The following MLLT3 variants were observed in gnomAD, a reference collection of about 807,000 sequenced individuals.
MLLT3 encodes the protein MLLT3 super elongation complex subunit.
Under a neutral mutation model 53.2 loss-of-function variants are expected in MLLT3, and 4 were observed. The observed-to-expected ratio is 0.08, with a 90% confidence interval of 0.04 to 0.17. The LOEUF is 0.17. Among genes scored for constraint, MLLT3 ranks in the 10% least tolerant of loss-of-function variants. MLLT3 has a pLI of 1.00. For synonymous variants in MLLT3, 283 were observed against 230.6 expected (o/e 1.23, Z -2.06); for missense variants, 569 against 684.0 (o/e 0.83, Z 1.87).
rs1820859149 is a variant in MLLT3, at chr9:20,346,114, G to C, written c.*329C>G. 2 of 298,694 alleles carry C rather than the reference G, an allele frequency of 6.7e-6. No individual in the cohort carries two copies. The highest frequency in any genetic ancestry group is 1.3e-5 in the Non-Finnish European group (2 of 158,464). The allele number at this position is 298,694 out of a possible 1,614,324, so 18.5% of individuals were successfully genotyped here. On this transcript the variant is annotated 3_prime_UTR_variant, in exon 11 of 11. Transcript: ENST00000380338. The stretch of plus-strand genomic sequence containing the variant: ...AATGAACCACCACAGAGAGATACAT[G>C]ATACCATACACATTCTTTGAGTTTT...
chr9:20,519,340 ACT>A (rs1434645837), intron 2 of MLLT3, among the ~76,000 whole-genome samples: 15 of 152,286 alleles, frequency 9.8e-5, no homozygotes, highest in Admixed American at 3.9e-4. Flanking sequence ...ATACAGGGAC[ACT>A]CTATACTATG....
intron 2 of MLLT3, among the ~76,000 whole-genome samples, chr9:20,480,284 T>G (rs1824629340): frequency 6.6e-6 from 1 of 152,214 alleles, no homozygotes; most frequent in African/African-American, 2.4e-5. Flanking sequence ...GCCTTTCTAT[T>G]TCATTCCTTC....
chr9:20,470,651 A>G (rs762165886), intron 2 of MLLT3, among the ~76,000 whole-genome samples: 13 of 151,992 alleles, frequency 8.6e-5, no homozygotes, highest in Non-Finnish European at 1.8e-4. Flanking sequence ...TGGTAGATAA[A>G]TTCCAAATCC....
chr9:20,589,021 G>C (rs901423621), intron 2 of MLLT3, among the ~76,000 whole-genome samples: 26 of 151,486 alleles, frequency 1.7e-4, no homozygotes, highest in South Asian at 6.4e-4. Flanking sequence ...GTGGAAGACA[G>C]TGTGGCGATT....
intron 4 of MLLT3, among the ~76,000 whole-genome samples, chr9:20,426,115 T>G: frequency 6.6e-6 from 1 of 152,098 alleles, no homozygotes; most frequent in Non-Finnish European, 1.5e-5. Flanking sequence ...TTATATATAC[T>G]CCCTGACTTG....
chr9:20,615,874 G>GAAAAAA (rs10579863), intron 2 of MLLT3, among the ~76,000 whole-genome samples: 2 of 132,612 alleles, frequency 1.5e-5, no homozygotes, highest in Admixed American at 7.7e-5. Context: ...AAAGAGATTT[G>GAAAAAA]AAAAAAAAAA....
intron 3 of MLLT3, among the ~76,000 whole-genome samples, chr9:20,456,271 T>A (rs77681784): frequency 0.033 from 5,051 of 152,086 alleles, 296 homozygotes; most frequent in African/African-American, 0.11. Flanking sequence ...AATCCATATA[T>A]CTGAAGTTGA....
chr9:20,621,016 C>T lies in MLLT3; in HGVS notation c.13-182G>A, dbSNP rs1029910551. On this transcript the variant is annotated intron_variant, in intron 1 of 10. Coordinates refer to ENST00000380338, the MANE Select transcript of MLLT3 (RefSeq NM_004529.4). The surrounding 1 kb of genome is among the most constrained non-coding windows in gnomAD (Gnocchi z 7.0). Reference sequence around the variant, plus strand: ...CACTCCACACCCCCAAATATACCCGCCCGCCCGGCCCGGCTTGGCCCCAGG... The same window carrying T: ...CACTCCACACCCCCAAATATACCCGTCCGCCCGGCCCGGCTTGGCCCCAGG... The T allele has an allele frequency of 6.6e-6, 5 of 762,820 alleles. No homozygotes were observed. The highest frequency in any genetic ancestry group is 1.1e-5 in the Non-Finnish European group (5 of 444,586). 47.3% of individuals were successfully genotyped at this position (762,820 alleles called of 1,614,324 possible).
intron 5 of MLLT3, among the ~76,000 whole-genome samples, chr9:20,408,383 C>T (rs1822639748): frequency 6.6e-6 from 1 of 150,606 alleles, no homozygotes; most frequent in African/African-American, 2.4e-5. Flanking sequence ...TGATCACACC[C>T]AACACAGAAA....
chr9:20,398,608 A>G (rs1299710029), intron 5 of MLLT3, among the ~76,000 whole-genome samples: 1 of 152,076 alleles, frequency 6.6e-6, no homozygotes, highest in African/African-American at 2.4e-5. Context: ...GAATATAATC[A>G]TATTTCACGA....
intron 2 of MLLT3, among the ~76,000 whole-genome samples, chr9:20,537,773 C>G (rs1224331862): frequency 1.3e-5 from 2 of 152,082 alleles, no homozygotes; most frequent in African/African-American, 4.8e-5. Context: ...ATTTATTGCC[C>G]TATGAAAATA....
chr9:20,351,869 T>A (rs1258416358), intron 10 of MLLT3, among the ~76,000 whole-genome samples: 1 of 152,200 alleles, frequency 6.6e-6, no homozygotes, highest in Non-Finnish European at 1.5e-5. Flanking sequence ...AGGACATGCA[T>A]CATGGTATCA....
intron 2 of MLLT3, among the ~76,000 whole-genome samples, chr9:20,459,407 G>A (rs1824052744): frequency 6.6e-6 from 1 of 152,230 alleles, no homozygotes; most frequent in Non-Finnish European, 1.5e-5. Context: ...AGACAAGTGA[G>A]AGAGTCTCAC....
chr9:20,440,135 A>ATT (rs1339365700), intron 4 of MLLT3, among the ~76,000 whole-genome samples: 1 of 152,212 alleles, frequency 6.6e-6, no homozygotes, highest in Non-Finnish European at 1.5e-5. Flanking sequence ...GCATTTAATA[A>ATT]TCTCAAATGG....
intron 5 of MLLT3, among the ~76,000 whole-genome samples, chr9:20,402,904 G>A (rs530591074): frequency 1.3e-5 from 2 of 152,276 alleles, no homozygotes; most frequent in East Asian, 1.9e-4. Context: ...CTGAGATGCT[G>A]GACCAAGAGG....
At chr9:20,496,538 C>T (rs939854053) in intron 2 of MLLT3, among the ~76,000 whole-genome samples, 1 of 152,080 alleles carries the variant, frequency 6.6e-6, no homozygotes, top group East Asian at 1.9e-4. Flanking sequence ...ATAACACGCA[C>T]TGTAAAAACA....
At chr9:20,482,009 G>A (rs1166831455) in intron 2 of MLLT3, among the ~76,000 whole-genome samples, 1 of 152,164 alleles carries the variant, frequency 6.6e-6, no homozygotes, top group Admixed American at 6.5e-5. Flanking sequence ...GAACTCAAGA[G>A]TCCTCTCCTA....
In MLLT3 at chr9:20,343,400, G is replaced by A. The variant is rs1382289100; in HGVS notation, c.*3043C>T. 1 of 213,576 alleles carries A rather than the reference G, an allele frequency of 4.7e-6. No individual in the cohort carries two copies. Among genetic ancestry groups the A allele is most frequent in the African/African-American group, 2.3e-5 (1 of 44,026 alleles). 13.2% of individuals were successfully genotyped at this position (213,576 alleles called of 1,614,324 possible). On this transcript the variant is annotated 3_prime_UTR_variant, in exon 11 of 11. Transcript: ENST00000380338. Reference sequence around the variant, plus strand: ...TTCCCTACCTTGACACTATATGAACGCATTTATAGACATACCTATTTGTCT... The same window carrying A: ...TTCCCTACCTTGACACTATATGAACACATTTATAGACATACCTATTTGTCT...
intron 5 of MLLT3, among the ~76,000 whole-genome samples, chr9:20,401,184 C>T (rs1317520680): frequency 6.6e-6 from 1 of 152,114 alleles, no homozygotes; most frequent in African/African-American, 2.4e-5. Context: ...TTATAGATTT[C>T]CTTTTACATG....
Sources: allele counts gnomAD v4.1 joint callset (sites outside exome capture counted in the v4.1 genomes callset), GRCh38; gene constraint gnomAD v4.1.1; non-coding constraint Gnocchi (gnomAD v3.1); transcripts MANE v1.5; gene names NCBI Gene and HGNC (gene_info 2026-07-23, HGNC 2026-07-21).